OCA2: variants seen among roughly 807,000 people sequenced by gnomAD.
OCA2 encodes OCA2 melanosomal transmembrane protein.
A neutral mutation model predicts 100.2 loss-of-function variants in OCA2; 77 were observed. The observed-to-expected ratio is 0.77, with a 90% CI of 0.64 to 0.93. The LOEUF is 0.93. Ranked by LOEUF, OCA2 falls within the 40% of genes least tolerant of loss-of-function variation. The pLI is 0.00. For synonymous variants in OCA2, 432 were observed against 439.2 expected (o/e 0.98, Z 0.21); for missense variants, 1,062 against 1,089.1 (o/e 0.98, Z 0.35).
At chr15:27,904,666 G>A (rs1401084431) in intron 19 of OCA2, among the ~76,000 whole-genome samples, 1 of 152,100 alleles carries the variant, frequency 6.6e-6, no homozygotes, top group African/African-American at 2.4e-5. Flanking sequence ...CCAACTCCTG[G>A]GGATACTCCA....
intron 23 of OCA2, among the ~76,000 whole-genome samples, chr15:27,801,595 A>G (rs1352292471): frequency 6.6e-6 from 1 of 151,268 alleles, no homozygotes; most frequent in Non-Finnish European, 1.5e-5. Flanking sequence ...ACAATACATC[A>G]TGATCAAGTG....
chr15:27,998,081 A>G (rs1016881114), intron 9 of OCA2, among the ~76,000 whole-genome samples: 1 of 148,126 alleles, frequency 6.8e-6, no homozygotes, highest in African/African-American at 2.4e-5. Flanking sequence ...GTTAGACCTA[A>G]AACCATAAAA....
At chr15:28,020,202 G>A (rs376504596) in intron 6 of OCA2, among the ~76,000 whole-genome samples, 129 of 152,022 alleles carry the variant, frequency 8.5e-4, no homozygotes, top group African/African-American at 2.7e-3. Flanking sequence ...GGGGTCCTGC[G>A]TGGGGCCTGG....
At chr15:28,092,016 T>C (rs182734754) in intron 1 of OCA2, among the ~76,000 whole-genome samples, 41 of 152,274 alleles carry the variant, frequency 2.7e-4, no homozygotes, top group Admixed American at 1.0e-3. Flanking sequence ...ATGTGGTATA[T>C]ACACACAGTG....
intron 23 of OCA2, among the ~76,000 whole-genome samples, chr15:27,814,010 C>T (rs1464086612): frequency 6.6e-6 from 1 of 152,084 alleles, no homozygotes; most frequent in Non-Finnish European, 1.5e-5. Flanking sequence ...GAATACCCAT[C>T]ACCTTAAATA....
chr15:27,887,585 T>G (rs186219135), intron 19 of OCA2, among the ~76,000 whole-genome samples: 68 of 145,454 alleles, frequency 4.7e-4, no homozygotes, highest in Non-Finnish European at 1.2e-4. Context: ...GCTATGGTAT[T>G]CTACTGGGAG....
chr15:28,056,403 T>A (rs1164938137), intron 2 of OCA2, among the ~76,000 whole-genome samples: 1 of 152,024 alleles, frequency 6.6e-6, no homozygotes, highest in Non-Finnish European at 1.5e-5. Flanking sequence ...CCCCAGAAAA[T>A]TTGTCCACAG....
In OCA2 at chr15:28,081,841, G is replaced by C. The variant is rs759852184; in HGVS notation, c.34C>G (p.Pro12Ala). 6.2e-7 allele frequency: 1 copy of C among 1,611,502 alleles called. No individual in the cohort carries two copies. Among genetic ancestry groups the C allele is most frequent in the Admixed American group, 1.7e-5 (1 of 59,982 alleles). The part of the protein sequence containing the change: ...HLEGRDGRRY[P>A]GAPAVELLQT... Reference sequence around the variant, plus strand: ...AGGAGCTCCACCGCCGGCGCGCCGGGGTACCGCCTGCCGTCTCTGCCCTCC... The same window carrying C: ...AGGAGCTCCACCGCCGGCGCGCCGGCGTACCGCCTGCCGTCTCTGCCCTCC... Residue 12 changes from proline (P) to alanine (A), a missense_variant, in exon 2 of 24, where the codon CCC (proline) becomes GCC (alanine). Coordinates refer to ENST00000354638, the MANE Select transcript of OCA2 (RefSeq NM_000275.3).
At chr15:27,978,575 T>A (rs1429610970) in intron 14 of OCA2, among the ~76,000 whole-genome samples, 1 of 152,232 alleles carries the variant, frequency 6.6e-6, no homozygotes, top group Non-Finnish European at 1.5e-5. Flanking sequence ...GCAGTCTACT[T>A]TGTCAGATAT....
intron 15 of OCA2, among the ~76,000 whole-genome samples, chr15:27,963,849 A>C (rs916232104): frequency 6.6e-6 from 1 of 152,166 alleles, no homozygotes; most frequent in South Asian, 2.1e-4. Context: ...TAAAATTGAT[A>C]AACCAACCAA....
intron 1 of OCA2, among the ~76,000 whole-genome samples, chr15:28,094,857 C>G (rs935602943): frequency 6.6e-6 from 1 of 152,226 alleles, no homozygotes; most frequent in African/African-American, 2.4e-5. Flanking sequence ...CGCAGCCGTG[C>G]CCAGGGCGGA....
chr15:28,086,579 C>G (rs2044779666), intron 1 of OCA2, among the ~76,000 whole-genome samples: 1 of 152,110 alleles, frequency 6.6e-6, no homozygotes, highest in Admixed American at 6.5e-5. Flanking sequence ...CTCAAAACCA[C>G]CTGTCATAGT....
intron 2 of OCA2, among the ~76,000 whole-genome samples, chr15:28,070,346 C>T (rs1270210668): frequency 9.2e-5 from 13 of 141,882 alleles, no homozygotes; most frequent in East Asian, 6.7e-4. Context: ...CCAGCCGCCC[C>T]GTCCGGGAGG....
rs140299885 is a variant in OCA2, at chr15:27,762,772, G to A, written c.2433-7300C>T. On this transcript the variant is annotated intron_variant, in intron 23 of 23. Coordinates refer to ENST00000354638, the MANE Select transcript of OCA2 (RefSeq NM_000275.3). ...ACCTTTCTGGGCCTAAGTCTTAATG[G>A]ACCTTGTCTAAAAACGGTTTGCCTA... 2.0e-5 allele frequency among the ~76,000 whole-genome samples: 3 copies of A among 152,218 alleles called. No homozygotes were observed. The East Asian group carries it at 5.8e-4, about 29-fold the overall frequency.
intron 2 of OCA2, 65 bp from the exon 3 acceptor site, chr15:28,032,228 C>T: frequency 8.3e-7 from 1 of 1,206,292 alleles, no homozygotes; most frequent in Non-Finnish European, 1.2e-6. Flanking sequence ...TCCCAGCACT[C>T]AGGTGCTAGA....
chr15:28,007,135 C>T (rs912690358), intron 9 of OCA2, among the ~76,000 whole-genome samples: 1 of 152,174 alleles, frequency 6.6e-6, no homozygotes, highest in African/African-American at 2.4e-5. Context: ...AAAGGGCTCG[C>T]TTGTTTCCAG....
At chr15:27,833,380 A>G (rs936741852) in intron 23 of OCA2, among the ~76,000 whole-genome samples, 3 of 152,206 alleles carry the variant, frequency 2.0e-5, no homozygotes, top group Admixed American at 1.3e-4. Context: ...TGTTGTCTGG[A>G]GGTTATGAGA....
intron 2 of OCA2, among the ~76,000 whole-genome samples, chr15:28,042,342 T>C (rs1443041611): frequency 6.6e-6 from 1 of 152,018 alleles, no homozygotes; most frequent in African/African-American, 2.4e-5. Context: ...AAAAATGCCT[T>C]CGGGCCAGGT....
intron 2 of OCA2, among the ~76,000 whole-genome samples, chr15:28,076,238 G>A (rs1447484200): frequency 2.0e-5 from 3 of 152,082 alleles, no homozygotes; most frequent in Non-Finnish European, 2.9e-5. Flanking sequence ...TTCTCCCTTC[G>A]ACCTCCAAAT....
Sources: gnomAD v4.1 joint callset for allele counts (sites outside exome capture counted in the v4.1 genomes callset) on GRCh38, gnomAD v4.1.1 for gene constraint, MANE v1.5 for transcripts, NCBI Gene and HGNC (gene_info 2026-07-23, HGNC 2026-07-21) for gene names.